CYYR1: variants seen among roughly 807,000 people sequenced by gnomAD.
The protein encoded by CYYR1 is cysteine and tyrosine rich 1, also known as cysteine and tyrosine-rich protein 1.
Under a neutral mutation model 15.2 loss-of-function variants are expected in CYYR1, and 14 were observed. The ratio of observed to expected loss-of-function variants is 0.92; its 90% CI spans 0.61 to 1.44. CYYR1 has a LOEUF of 1.44. CYYR1 is among the 40% of genes most tolerant of loss of function. The probability of loss-of-function intolerance (pLI) is 0.00; values close to 1 mark genes in which losing one functional copy is unlikely to be tolerated. For synonymous variants in CYYR1, 80 were observed against 77.4 expected (o/e 1.03, Z -0.18); for missense variants, 228 against 209.5 (o/e 1.09, Z -0.54).
rs150580100 is a variant in CYYR1, at chr21:26,566,265, C to T, written c.176+1G>A. ...TATTGCCAAATCTGACGAATACTCA[C>T]GAGAGGATATTCCCAATATAAGCGT... On this transcript the variant is annotated splice_donor_variant, in intron 2 of 3. Transcript: ENST00000652641. LOFTEE classifies it high-confidence loss of function. The T allele has an allele frequency of 1.6e-3, 2,639 of 1,610,022 alleles. 4 individuals are homozygous for T. Among genetic ancestry groups the T allele is most frequent in the Non-Finnish European group, 2.0e-3 (2,307 of 1,176,548 alleles).
intron 2 of CYYR1, among the ~76,000 whole-genome samples, chr21:26,516,338 A>C (rs1330887197): frequency 1.3e-5 from 2 of 152,242 alleles, no homozygotes; most frequent in East Asian, 3.8e-4. Flanking sequence ...ATTAAAAAAG[A>C]CTTGTCATTT....
intron 2 of CYYR1, among the ~76,000 whole-genome samples, chr21:26,495,063 A>G (rs530053675): frequency 3.9e-5 from 6 of 152,234 alleles, no homozygotes; most frequent in Non-Finnish European, 8.8e-5. Flanking sequence ...TTTTTCTACC[A>G]GAGGAGCAGA....
At chr21:26,565,432 G>A (rs1205851133) in intron 2 of CYYR1, among the ~76,000 whole-genome samples, 1 of 152,164 alleles carries the variant, frequency 6.6e-6, no homozygotes, top group Non-Finnish European at 1.5e-5. Context: ...ACAGAAGACA[G>A]AGGCACAACC....
chr21:26,572,402 T>A (rs553832269), intron 1 of CYYR1, among the ~76,000 whole-genome samples: 2 of 152,210 alleles, frequency 1.3e-5, no homozygotes, highest in South Asian at 4.1e-4. Context: ...CTCAAAAACC[T>A]TGTGTTTGAC....
chr21:26,539,292 G>A (rs1318807256), intron 2 of CYYR1, among the ~76,000 whole-genome samples: 1 of 152,090 alleles, frequency 6.6e-6, no homozygotes, highest in Non-Finnish European at 1.5e-5. Flanking sequence ...CGTAAGTGTG[G>A]CTGTGAGCCT....
intron 2 of CYYR1, among the ~76,000 whole-genome samples, chr21:26,561,012 T>C (rs1316844172): frequency 6.6e-6 from 1 of 152,224 alleles, no homozygotes; most frequent in Non-Finnish European, 1.5e-5. Context: ...TATAACAGCA[T>C]AGAAATTGGA....
chr21:26,572,979 C>G lies in CYYR1; in HGVS notation c.-39G>C. The G allele has an allele frequency of 6.2e-7, 1 of 1,613,162 alleles. No individual in the cohort carries two copies. The highest frequency in any genetic ancestry group is 1.3e-5 in the African/African-American group (1 of 75,006). The stretch of plus-strand genomic sequence containing the variant: ...CTGAGGCTTGGAGCGAAGGGAGAGC[C>G]CGGAACCGGAGGGAATGGGGAGGAT... On this transcript the variant is annotated 5_prime_UTR_variant, in exon 1 of 4. Transcript: ENST00000652641.
chr21:26,564,452 C>G (rs1980465816), intron 2 of CYYR1, among the ~76,000 whole-genome samples: 1 of 152,088 alleles, frequency 6.6e-6, no homozygotes, highest in Non-Finnish European at 1.5e-5. Flanking sequence ...TTCCCCCAAA[C>G]ATAGCAAGTA....
In CYYR1 at chr21:26,474,970, CCTT is replaced by C. The variant is rs557930192; in HGVS notation, c.334+5299_334+5301del. Among the ~76,000 whole-genome samples, 173 of 152,256 alleles carry C rather than the reference CCTT, an allele frequency of 1.1e-3. 1 individual carries two copies. The highest frequency in any genetic ancestry group is 3.9e-3 in the African/African-American group (164 of 41,542). ...GCACCTATTGTCAATATTCTTATCTCCTTCTCCATTGCCTGGCAGAACCCCAAC... is the reference window on the plus strand; with the variant it reads ...GCACCTATTGTCAATATTCTTATCTCCTCCATTGCCTGGCAGAACCCCAAC... On this transcript the variant is annotated intron_variant, in intron 3 of 3. Coordinates refer to ENST00000652641, the MANE Select transcript of CYYR1 (RefSeq NM_001320768.2).
chr21:26,527,331 T>C (rs2065879741), intron 2 of CYYR1, among the ~76,000 whole-genome samples: 1 of 152,204 alleles, frequency 6.6e-6, no homozygotes, highest in Admixed American at 6.5e-5. Flanking sequence ...TGGCCTCTTT[T>C]TTAAAGGCAT....
intron 1 of CYYR1, among the ~76,000 whole-genome samples, chr21:26,571,596 G>A (rs1193032146): frequency 2.6e-5 from 4 of 152,196 alleles, no homozygotes; most frequent in South Asian, 2.1e-4. Flanking sequence ...AAATATTGTC[G>A]AGCAGAGGAA....
chr21:26,495,330 G>C (rs1177595444), intron 2 of CYYR1, among the ~76,000 whole-genome samples: 3 of 152,186 alleles, frequency 2.0e-5, no homozygotes, highest in Non-Finnish European at 4.4e-5. Context: ...CAGCAAGCTT[G>C]CAACAGTTAG....
intron 3 of CYYR1, chr21:26,478,216 C>G: frequency 6.6e-7 from 1 of 1,515,732 alleles, no homozygotes; most frequent in Non-Finnish European, 8.9e-7. Context: ...TAAAAGCACT[C>G]TGGATAAAAA....
chr21:26,530,378 G>C (rs2065916340), intron 2 of CYYR1, among the ~76,000 whole-genome samples: 1 of 151,878 alleles, frequency 6.6e-6, no homozygotes, highest in Non-Finnish European at 1.5e-5. Context: ...GTTGCCTCCA[G>C]TTATAGTTTT....
At chr21:26,473,065 T>C (rs2065055408) in intron 3 of CYYR1, among the ~76,000 whole-genome samples, 1 of 152,196 alleles carries the variant, frequency 6.6e-6, no homozygotes, top group Admixed American at 6.5e-5. Flanking sequence ...CTTTACAGTA[T>C]ATAAAATTCT....
At chr21:26,513,654 G>A (rs1236056966) in intron 2 of CYYR1, among the ~76,000 whole-genome samples, 1 of 152,056 alleles carries the variant, frequency 6.6e-6, no homozygotes, top group East Asian at 1.9e-4. Flanking sequence ...AAGTTCCAGG[G>A]CAGCACAGCC....
chr21:26,565,577 C>T (rs562176635), intron 2 of CYYR1, among the ~76,000 whole-genome samples: 33 of 152,318 alleles, frequency 2.2e-4, no homozygotes, highest in African/African-American at 7.7e-4. Context: ...CCGTACAGCC[C>T]TGGAGGCAGG....
intron 2 of CYYR1, among the ~76,000 whole-genome samples, chr21:26,556,260 A>G (rs932633457): frequency 6.6e-6 from 1 of 152,186 alleles, no homozygotes; most frequent in Non-Finnish European, 1.5e-5. Flanking sequence ...AACCCACAAA[A>G]TGTCAGATTT....
At chr21:26,504,800 G>A (rs545485812) in intron 2 of CYYR1, among the ~76,000 whole-genome samples, 26 of 152,094 alleles carry the variant, frequency 1.7e-4, no homozygotes, top group Middle Eastern at 3.4e-3. Flanking sequence ...ACCTCCATCC[G>A]ATTCCCTGAC....
Sources: allele counts gnomAD v4.1 joint callset (sites outside exome capture counted in the v4.1 genomes callset), GRCh38; gene constraint gnomAD v4.1.1; transcripts MANE v1.5; gene names NCBI Gene and HGNC (gene_info 2026-07-23, HGNC 2026-07-21).